TNR: variants seen among roughly 807,000 people sequenced by gnomAD.
TNR encodes tenascin R, also known as tenascin-R.
A neutral mutation model predicts 150.4 loss-of-function variants in TNR; 45 were observed. That is an observed-to-expected ratio of 0.30 (90% CI 0.24 to 0.38). The LOEUF is 0.38. TNR is among the 10% of genes least tolerant of loss of function. TNR has a pLI of 1.00. For missense variants in TNR, 1,544 were observed against 1,759.1 expected (o/e 0.88, Z 2.19); for synonymous variants, 687 against 678.4 (o/e 1.01, Z -0.20).
chr1:175,685,224 T>A (rs1190280913), intron 1 of TNR, among the ~76,000 whole-genome samples: 5 of 152,232 alleles, frequency 3.3e-5, no homozygotes, highest in Admixed American at 3.3e-4. Context: ...TTCAATTTAT[T>A]TCAGGCTTGC....
chr1:175,358,898 C>T (rs550766064), intron 15 of TNR, among the ~76,000 whole-genome samples: 1 of 152,190 alleles, frequency 6.6e-6, no homozygotes, highest in Non-Finnish European at 1.5e-5. Flanking sequence ...CCTGTACTCT[C>T]TGTTTCAAAC....
intron 1 of TNR, among the ~76,000 whole-genome samples, chr1:175,671,469 C>T (rs1397662334): frequency 6.6e-6 from 1 of 152,186 alleles, no homozygotes; most frequent in Non-Finnish European, 1.5e-5. Flanking sequence ...GTACCCCTGG[C>T]ACTTCTACCA....
intron 1 of TNR, among the ~76,000 whole-genome samples, chr1:175,681,261 G>A (rs574974082): frequency 6.4e-4 from 98 of 152,332 alleles, no homozygotes; most frequent in African/African-American, 2.1e-3. Context: ...AGGAGGCCAC[G>A]TGAGGAAGCC....
chr1:175,386,842 C>T (rs1041561302), intron 7 of TNR, among the ~76,000 whole-genome samples: 1 of 152,234 alleles, frequency 6.6e-6, no homozygotes, highest in African/African-American at 2.4e-5. Context: ...CATTTAAAAA[C>T]CAACAGACAT....
At chr1:175,558,307 C>G (rs1361171777) in intron 1 of TNR, among the ~76,000 whole-genome samples, 2 of 151,854 alleles carry the variant, frequency 1.3e-5, no homozygotes, top group Non-Finnish European at 2.9e-5. Flanking sequence ...TATCTATGGA[C>G]AACTCTTTCT....
chr1:175,511,875 C>A (rs902957558), intron 2 of TNR, among the ~76,000 whole-genome samples: 4 of 152,180 alleles, frequency 2.6e-5, no homozygotes, highest in African/African-American at 9.7e-5. Flanking sequence ...TCCTGGTACA[C>A]AATGACTTCT....
intron 2 of TNR, among the ~76,000 whole-genome samples, chr1:175,447,509 A>G (rs1656108831): frequency 6.6e-6 from 1 of 152,128 alleles, no homozygotes; most frequent in Non-Finnish European, 1.5e-5. Flanking sequence ...GACTCTTGAT[A>G]AAGTCAAACT....
At chr1:175,434,430 G>C (rs1655407930) in intron 2 of TNR, among the ~76,000 whole-genome samples, 1 of 152,120 alleles carries the variant, frequency 6.6e-6, no homozygotes. Context: ...GAGAGGATCT[G>C]GCCAGCACCG....
intron 1 of TNR, among the ~76,000 whole-genome samples, chr1:175,579,098 G>A (rs1273757450): frequency 6.6e-6 from 1 of 152,036 alleles, no homozygotes; most frequent in Non-Finnish European, 1.5e-5. Flanking sequence ...CAGAGCTAGA[G>A]GCTGAGGTAA....
intron 1 of TNR, among the ~76,000 whole-genome samples, chr1:175,531,290 C>T (rs1660056978): frequency 6.6e-6 from 1 of 152,176 alleles, no homozygotes; most frequent in Non-Finnish European, 1.5e-5. Flanking sequence ...ACACGCATTA[C>T]CTCACTAGTA....
intron 2 of TNR, among the ~76,000 whole-genome samples, chr1:175,441,846 G>A (rs1361689387): frequency 6.6e-6 from 1 of 152,112 alleles, no homozygotes; most frequent in Admixed American, 6.6e-5. Context: ...AAGAACATGA[G>A]GAAAGGCTTC....
At chr1:175,394,924 G>A (rs1053113973) in intron 5 of TNR, among the ~76,000 whole-genome samples, 10 of 152,162 alleles carry the variant, frequency 6.6e-5, no homozygotes, top group South Asian at 2.1e-4. Context: ...GAGAGGAGAC[G>A]CTTGGGAGTT....
chr1:175,598,111 C>T (rs1224946065), intron 1 of TNR, among the ~76,000 whole-genome samples: 1 of 152,138 alleles, frequency 6.6e-6, no homozygotes, highest in African/African-American at 2.4e-5. Flanking sequence ...GGCAGTAAGG[C>T]AAGGGACCGT....
intron 19 of TNR, 35 bp downstream of exon 19, chr1:175,337,493 C>T (rs369861426): frequency 5.6e-5 from 90 of 1,611,380 alleles, no homozygotes; most frequent in African/African-American, 2.8e-4. Context: ...ACACTGAGGA[C>T]GCTTCTGTGC....
intron 1 of TNR, among the ~76,000 whole-genome samples, chr1:175,706,545 G>A (rs1462923149): frequency 6.6e-6 from 1 of 152,126 alleles, no homozygotes; most frequent in African/African-American, 2.4e-5. Context: ...TTTCCACCCA[G>A]CTGAGCTCTT....
chr1:175,601,622 G>A (rs571576106), intron 1 of TNR, among the ~76,000 whole-genome samples: 4 of 152,258 alleles, frequency 2.6e-5, no homozygotes, highest in South Asian at 4.1e-4. Context: ...TTATGAAAAC[G>A]CTATATACAG....
intron 1 of TNR, among the ~76,000 whole-genome samples, chr1:175,670,064 C>T (rs1665648519): frequency 6.6e-6 from 1 of 152,202 alleles, no homozygotes; most frequent in Non-Finnish European, 1.5e-5. Flanking sequence ...TTTATCCTCT[C>T]ACCTCTCCTG....
chr1:175,362,492 A>T (rs572220322), intron 14 of TNR, among the ~76,000 whole-genome samples, 171 bp downstream of exon 14: 1 of 152,134 alleles, frequency 6.6e-6, no homozygotes. Context: ...GTTTAGTATT[A>T]GGGAGGAATA....
intron 2 of TNR, among the ~76,000 whole-genome samples, chr1:175,493,872 T>C (rs937644180): frequency 6.6e-6 from 1 of 152,162 alleles, no homozygotes; most frequent in Non-Finnish European, 1.5e-5. Context: ...AAACACACTC[T>C]GTGTACTTGA....
Sources: allele counts gnomAD v4.1 joint callset (sites outside exome capture counted in the v4.1 genomes callset), GRCh38; gene constraint gnomAD v4.1.1; transcripts MANE v1.5; gene names NCBI Gene and HGNC (gene_info 2026-07-23, HGNC 2026-07-21).